PLEKHD1: variants seen among roughly 807,000 people sequenced by gnomAD.
PLEKHD1 encodes pleckstrin homology and coiled-coil domain containing D1.
In PLEKHD1, 51 loss-of-function variants were observed where a neutral mutation model predicts 69.2. That is an observed-to-expected ratio of 0.74 (90% CI 0.59 to 0.93). The LOEUF (loss-of-function observed/expected upper bound fraction) is 0.93. PLEKHD1 is among the 40% of genes least tolerant of loss of function. The pLI is 0.00. For synonymous variants in PLEKHD1, 236 were observed against 244.7 expected (o/e 0.96, Z 0.33); for missense variants, 584 against 641.0 (o/e 0.91, Z 0.96).
chr14:69,479,427 A>G, the PLEKHD1 span, among the ~76,000 whole-genome samples: 1 of 152,280 alleles, frequency 6.6e-6, no homozygotes, highest in South Asian at 2.1e-4. Flanking sequence ...AAGAGCACGC[A>G]TGATGGTGGG....
rs368037485 is a variant in PLEKHD1 at position 69,502,818 on chromosome 14, T to C, written c.503-9T>C. On this transcript the variant is annotated splice_polypyrimidine_tract_variant and intron_variant, in intron 5 of 12. Transcript: ENST00000322564. ...GTGTGCATGTGTGTGTGTGTGCTTG[T>C]TTTGGCAGACAAACTGATGGAAGAG... is the stretch of plus-strand genomic sequence containing the variant. 39 of 1,551,522 alleles carry C rather than the reference T, an allele frequency of 2.5e-5. No homozygotes were observed. The African/African-American group carries it at 4.0e-4, about 16-fold the overall frequency.
upstream of PLEKHD1, among the ~76,000 whole-genome samples, chr14:69,481,342 A>G (rs1882538437): frequency 6.6e-6 from 1 of 152,166 alleles, no homozygotes; most frequent in African/African-American, 2.4e-5. Flanking sequence ...ACAAAAAAAT[A>G]TGTTCATTAG....
intron 1 of PLEKHD1, among the ~76,000 whole-genome samples, chr14:69,498,588 T>TTTCTCTTCCCTTCTCTTCTCTTCTC (rs1882943479): frequency 9.2e-6 from 1 of 108,584 alleles, no homozygotes; most frequent in African/African-American, 3.6e-5. Flanking sequence ...TTCTTTTTGT[T>TTTCTCTTCCCTTCTCTTCTCTTCTC]TTCTCTTCTC....
intron 6 of PLEKHD1, among the ~76,000 whole-genome samples, chr14:69,505,966 C>T (rs1883143112): frequency 6.6e-6 from 1 of 152,202 alleles, no homozygotes; most frequent in African/African-American, 2.4e-5. Context: ...GAGAGCTCAG[C>T]CATGCACATG....
Position 69,500,349 on chromosome 14 carries a change from C to T in PLEKHD1, c.243+141C>T, listed in dbSNP as rs1188634919. ...GAGCAAATCCTCTTGGGGCAAAAGA[C>T]CCCCTGCCCCTGTCCTGGGCTGGAC... On this transcript the variant is annotated intron_variant, in intron 2 of 12. Coordinates refer to ENST00000322564, the MANE Select transcript of PLEKHD1 (RefSeq NM_001161498.2). The T allele has an allele frequency of 3.9e-6, 3 of 775,252 alleles. No individual in the cohort carries two copies. In the South Asian group the frequency reaches 5.5e-5, roughly 14 times the overall value. 48.0% of individuals were successfully genotyped at this position (775,252 alleles called of 1,614,324 possible). A position where few individuals can be genotyped will look rare whatever the true frequency, so the allele number is the denominator to read the frequency against.
At chr14:69,470,695 A>C in the PLEKHD1 span, among the ~76,000 whole-genome samples, 1 of 152,116 alleles carries the variant, frequency 6.6e-6, no homozygotes, top group Non-Finnish European at 1.5e-5. Context: ...CAGTAGTGGC[A>C]TTATTTTACA....
At chr14:69,520,273 G>A (rs1351870757) in intron 6 of PLEKHD1, among the ~76,000 whole-genome samples, 4 of 150,674 alleles carry the variant, frequency 2.7e-5, no homozygotes, top group Admixed American at 6.6e-5. Flanking sequence ...GCCTCTAAAC[G>A]GCTCTGCCCC....
chr14:69,491,878 T>A lies in PLEKHD1; in HGVS notation c.149+6764T>A, dbSNP rs575578109. Among the ~76,000 whole-genome samples the A allele has an allele frequency of 1.6e-4, 24 of 152,326 alleles. No homozygotes were observed. In the South Asian group the frequency reaches 4.8e-3, roughly 30 times the overall value. On this transcript the variant is annotated intron_variant, in intron 1 of 12. Coordinates refer to ENST00000322564, the MANE Select transcript of PLEKHD1 (RefSeq NM_001161498.2). ...AGCTAGAGTCCTGGTCATCGTGTCATCCCAGTTCCTGCTCACTCTGCCCTT... is the reference window on the plus strand; with the variant it reads ...AGCTAGAGTCCTGGTCATCGTGTCAACCCAGTTCCTGCTCACTCTGCCCTT...
the PLEKHD1 span, among the ~76,000 whole-genome samples, chr14:69,471,026 T>A: frequency 6.6e-6 from 1 of 150,784 alleles, no homozygotes; most frequent in Non-Finnish European, 1.5e-5. Context: ...CTCCTGACCT[T>A]GTGATCTGCC....
the PLEKHD1 span, among the ~76,000 whole-genome samples, chr14:69,472,330 CT>C: frequency 6.6e-6 from 1 of 152,176 alleles, no homozygotes; most frequent in Non-Finnish European, 1.5e-5. Context: ...AGTAAGCAAC[CT>C]TGAGTCTTTG....
Position 69,526,818 on chromosome 14 carries a change from C to CGGGA in PLEKHD1, c.1047_1050dup (p.Leu351GlyfsTer5). ...GACGGCAGAGAAGCAGCAGGCTGAG[C>CGGGA]GGGAGCTCAAGGTGCGACCTGGCCT... On this transcript the variant is annotated frameshift_variant, in exon 10 of 13. Transcript: ENST00000322564. LOFTEE classifies it high-confidence loss of function. 6.5e-7 allele frequency: 1 copy of CGGGA among 1,545,398 alleles called. No homozygotes were observed.
At chr14:69,505,139 G>A (rs1216734677) in intron 6 of PLEKHD1, among the ~76,000 whole-genome samples, 1 of 152,186 alleles carries the variant, frequency 6.6e-6, no homozygotes, top group East Asian at 1.9e-4. Context: ...TGTCAGCTGT[G>A]AACTCCCTGG....
chr14:69,492,713 C>G (rs1365474912), intron 1 of PLEKHD1, among the ~76,000 whole-genome samples: 1 of 152,216 alleles, frequency 6.6e-6, no homozygotes, highest in Admixed American at 6.5e-5. Context: ...GTTACTAGAA[C>G]AGTGTTTAGC....
chr14:69,527,197 A>G lies in PLEKHD1; in HGVS notation c.1066A>G (p.Lys356Glu). ...QAERELKAEV[K>E]VRMDLERRLR... ...CTCTCCTCAACCTCAGGCTGAGGTG[A>G]AGGTCCGCATGGACCTGGAGAGGCG... Residue 356 changes from lysine to glutamate, a missense_variant, in exon 11 of 13, where the codon AAG becomes GAG. Physicochemically the swap from Lys to Glu is moderately conservative, Grantham distance 56. Coordinates refer to ENST00000322564, the MANE Select transcript of PLEKHD1 (RefSeq NM_001161498.2). 5 of 1,546,150 alleles carry G rather than the reference A, an allele frequency of 3.2e-6. No individual in the cohort carries two copies. Among genetic ancestry groups the G allele is most frequent in the Non-Finnish European group, 2.6e-6 (3 of 1,144,858 alleles).
At chr14:69,488,596 G>A (rs1451119769) in intron 1 of PLEKHD1, among the ~76,000 whole-genome samples, 1 of 152,126 alleles carries the variant, frequency 6.6e-6, no homozygotes, top group Non-Finnish European at 1.5e-5. Flanking sequence ...GCAACATAGG[G>A]TGTGGGGAAC....
At chr14:69,512,327 T>C (rs1416871773) in intron 6 of PLEKHD1, among the ~76,000 whole-genome samples, 1 of 152,150 alleles carries the variant, frequency 6.6e-6, no homozygotes, top group Non-Finnish European at 1.5e-5. Context: ...TATTTATCTT[T>C]TCAAAGAACT....
intron 1 of PLEKHD1, among the ~76,000 whole-genome samples, chr14:69,488,406 G>A (rs1882700254): frequency 6.6e-6 from 1 of 152,154 alleles, no homozygotes; most frequent in Non-Finnish European, 1.5e-5. Context: ...CACGGCACTA[G>A]GCTCAGCCTC....
In PLEKHD1 at chr14:69,525,812, T is replaced by G. The variant is rs1242716425; in HGVS notation, c.745-132T>G. 5 of 852,380 alleles carry G rather than the reference T, an allele frequency of 5.9e-6. No individual in the cohort carries two copies. In the African/African-American group the frequency reaches 8.6e-5, roughly 15 times the overall value. 52.8% of individuals were successfully genotyped at this position (852,380 alleles called of 1,614,324 possible). A position where few individuals can be genotyped will look rare whatever the true frequency, so the allele number is the denominator to read the frequency against. On this transcript the variant is annotated intron_variant, in intron 8 of 12. Coordinates refer to ENST00000322564, the MANE Select transcript of PLEKHD1 (RefSeq NM_001161498.2). ...TGGGCCTTTTAGCTCTGGAGAAGAA[T>G]GAAGACATTTCAGCGGCCATAGAGG...
intron 1 of PLEKHD1, among the ~76,000 whole-genome samples, chr14:69,496,401 A>G (rs1227284836): frequency 6.6e-6 from 1 of 152,216 alleles, no homozygotes; most frequent in Non-Finnish European, 1.5e-5. Flanking sequence ...GCAGGCTGAG[A>G]GTCTGAGATC....
Sources: gnomAD v4.1 joint callset for allele counts (sites outside exome capture counted in the v4.1 genomes callset) on GRCh38, gnomAD v4.1.1 for gene constraint, MANE v1.5 for transcripts, NCBI Gene and HGNC (gene_info 2026-07-23, HGNC 2026-07-21) for gene names.